C12orf56: variants seen among roughly 807,000 people sequenced by gnomAD.
The protein encoded by C12orf56 is chromosome 12 open reading frame 56.
Under a neutral mutation model 69.9 loss-of-function variants are expected in C12orf56, and 71 were observed. The observed-to-expected ratio is 1.02, with a 90% CI of 0.84 to 1.24. The LOEUF (loss-of-function observed/expected upper bound fraction) is 1.24. Ranked by LOEUF, C12orf56 falls within the 50% of genes most tolerant of loss-of-function variation. The pLI is 0.00. For synonymous variants in C12orf56, 276 were observed against 274.1 expected, an observed-to-expected ratio of 1.01 and a Z score of -0.07; for missense variants, 732 against 738.5, an observed-to-expected ratio of 0.99 and a Z score of 0.10.
intron 12 of C12orf56, 60 bp from the exon 13 acceptor site, chr12:64,267,348 T>G: frequency 7.7e-7 from 1 of 1,295,612 alleles, no homozygotes; most frequent in Non-Finnish European, 1.1e-6. Context: ...TTCACATTGG[T>G]CACTTGAGTA....
intron 11 of C12orf56, among the ~76,000 whole-genome samples, chr12:64,273,676 G>C (rs2038017642): frequency 2.6e-5 from 4 of 152,182 alleles, no homozygotes; most frequent in African/African-American, 9.7e-5. Context: ...TGTCCCAGAG[G>C]GGTCTGCAGG....
intron 1 of C12orf56, among the ~76,000 whole-genome samples, chr12:64,365,381 G>T (rs1042503988): frequency 1.3e-5 from 2 of 151,664 alleles, no homozygotes; most frequent in Admixed American, 6.6e-5. Flanking sequence ...TGGCCAGGCT[G>T]CTCTCCAACT....
intron 5 of C12orf56, among the ~76,000 whole-genome samples, chr12:64,305,132 G>GA (rs973816249): frequency 2.0e-4 from 30 of 149,106 alleles, no homozygotes; most frequent in East Asian, 7.8e-4. Flanking sequence ...TAAGACTTCT[G>GA]AAAAAAAAAT....
chr12:64,380,060 G>T lies in C12orf56; in HGVS notation c.252+10254C>A, dbSNP rs186042646. Among the ~76,000 whole-genome samples the T allele has an allele frequency of 4.8e-3, 624 of 129,520 alleles. 5 individuals carry two copies. The highest frequency in any genetic ancestry group is 0.017 in the African/African-American group (591 of 34,290). The allele number at this position is 129,520 out of a possible 152,430, so 85.0% of individuals were successfully genotyped here. A position where few individuals can be genotyped will look rare whatever the true frequency, so the allele number is the denominator to read the frequency against. The stretch of plus-strand genomic sequence containing the variant: ...GCGGAGCTTGCAGTGAGCCGAGATC[G>T]TGCCACTGCACTCCAGCCTGGGCGA... On this transcript the variant is annotated intron_variant, in intron 1 of 12. Transcript: ENST00000543942.
At chr12:64,364,490 C>T (rs1394940415) in intron 1 of C12orf56, among the ~76,000 whole-genome samples, 1 of 151,948 alleles carries the variant, frequency 6.6e-6, no homozygotes, top group African/African-American at 2.4e-5. Flanking sequence ...GTCACTCAGT[C>T]ACTCATGCAG....
chr12:64,363,387 AG>A (rs1479021198), intron 1 of C12orf56, among the ~76,000 whole-genome samples: 4 of 152,226 alleles, frequency 2.6e-5, no homozygotes, highest in Admixed American at 1.3e-4. Flanking sequence ...TTAATTCAGC[AG>A]GGTTGGGTTG....
At chr12:64,365,946 T>A (rs1383096791) in intron 1 of C12orf56, among the ~76,000 whole-genome samples, 2 of 131,406 alleles carry the variant, frequency 1.5e-5, no homozygotes, top group Non-Finnish European at 3.0e-5. Flanking sequence ...AGTGTATATA[T>A]TATATATTGT....
At chr12:64,362,756 G>A (rs2039415560) in intron 1 of C12orf56, among the ~76,000 whole-genome samples, 1 of 151,598 alleles carries the variant, frequency 6.6e-6, no homozygotes, top group Non-Finnish European at 1.5e-5. Flanking sequence ...TAAAAAAATA[G>A]CCAATTTATT....
intron 5 of C12orf56, among the ~76,000 whole-genome samples, chr12:64,305,662 C>T (rs943153368): frequency 3.9e-5 from 6 of 152,166 alleles, no homozygotes; most frequent in East Asian, 1.9e-4. Context: ...GGATTACAGG[C>T]GTGAGCCACT....
chr12:64,311,326 C>T (rs568887660), intron 5 of C12orf56, among the ~76,000 whole-genome samples: 92 of 151,464 alleles, frequency 6.1e-4, no homozygotes, highest in Non-Finnish European at 1.3e-4. Flanking sequence ...TGCAGGGGAA[C>T]TGCTTGAACC....
intron 1 of C12orf56, among the ~76,000 whole-genome samples, chr12:64,362,947 G>C (rs979026073): frequency 2.0e-5 from 3 of 152,110 alleles, no homozygotes; most frequent in Non-Finnish European, 4.4e-5. Flanking sequence ...GACAACCAGA[G>C]GTCACCTCAT....
At chr12:64,367,482 C>T (rs1291286075) in intron 1 of C12orf56, among the ~76,000 whole-genome samples, 1 of 150,560 alleles carries the variant, frequency 6.6e-6, no homozygotes, top group African/African-American at 2.4e-5. Flanking sequence ...TCTATTCTCA[C>T]TATGAGACAA....
At position 64,390,549 on chromosome 12, in the gene C12orf56, G is replaced by A; in HGVS notation, c.17C>T (p.Pro6Leu). Residue 6 changes from proline to leucine, a missense_variant, in exon 1 of 13, where the codon CCG (proline) becomes CTG (leucine). Physicochemically the swap from Pro to Leu is moderately conservative, Grantham distance 98. Coordinates refer to ENST00000543942, the MANE Select transcript of C12orf56 (RefSeq NM_001170633.2). ...GTTCCTGCGCGCGGGGAAGCCGGAC[G>A]GCAAGGGGCTGGCCATGCCCGGCGC... MASPL[P>L]SGFPARRNSR... 1 of 1,593,266 alleles carries A rather than the reference G, an allele frequency of 6.3e-7. No individual in the cohort carries two copies. The highest frequency in any genetic ancestry group is 8.5e-7 in the Non-Finnish European group (1 of 1,176,620).
At chr12:64,386,399 T>TATATA (rs1555196189) in intron 1 of C12orf56, among the ~76,000 whole-genome samples, 50 of 81,472 alleles carry the variant, frequency 6.1e-4, no homozygotes, top group Admixed American at 1.0e-3. Context: ...TATATATATA[T>TATATA]TTTTTTTTTT....
Position 64,390,754 on chromosome 12 carries a change from G to T in C12orf56, c.-189C>A. The T allele has an allele frequency of 1.4e-6, 1 of 698,866 alleles. No individual in the cohort carries two copies. Among genetic ancestry groups the T allele is most frequent in the Non-Finnish European group, 2.1e-6 (1 of 468,454 alleles). 43.3% of individuals were successfully genotyped at this position (698,866 alleles called of 1,614,324 possible). ...CGGCTTCCCTGGAGCGCCCTCCCCA[G>T]CCCTGTCCAGCCTCTCGATCTTTGT... On this transcript the variant is annotated 5_prime_UTR_variant, in exon 1 of 13. In the 5' UTR this introduces an upstream ATG that the reference lacks. Coordinates refer to ENST00000543942, the MANE Select transcript of C12orf56 (RefSeq NM_001170633.2).
chr12:64,351,649 A>G (rs1026236793), intron 2 of C12orf56, among the ~76,000 whole-genome samples: 3 of 152,076 alleles, frequency 2.0e-5, no homozygotes, highest in Middle Eastern at 3.4e-3. Context: ...TTTGATACCC[A>G]TGGATGGCAC....
At chr12:64,297,077 T>G (rs2038376387) in intron 6 of C12orf56, among the ~76,000 whole-genome samples, 1 of 152,122 alleles carries the variant, frequency 6.6e-6, no homozygotes, top group South Asian at 2.1e-4. Flanking sequence ...CCCTAATCTC[T>G]CCACCCCAGT....
intron 1 of C12orf56, among the ~76,000 whole-genome samples, chr12:64,383,903 T>G (rs1373228253): frequency 1.3e-5 from 2 of 152,322 alleles, no homozygotes; most frequent in East Asian, 3.9e-4. Context: ...CAGCTAAGTA[T>G]AAGGCTGTGA....
intron 8 of C12orf56, among the ~76,000 whole-genome samples, chr12:64,282,837 G>A (rs1020622330): frequency 2.0e-5 from 3 of 151,704 alleles, no homozygotes; most frequent in African/African-American, 7.3e-5. Context: ...GTGAGCAAGT[G>A]TACTTAAGAA....
Sources: gnomAD v4.1 joint callset for allele counts (sites outside exome capture counted in the v4.1 genomes callset) on GRCh38, gnomAD v4.1.1 for gene constraint, MANE v1.5 for transcripts, NCBI Gene and HGNC (gene_info 2026-07-23, HGNC 2026-07-21) for gene names.